The following GPAM variants were observed in gnomAD, a reference collection of about 807,000 sequenced individuals.
GPAM encodes glycerol-3-phosphate acyltransferase 1, mitochondrial.
GPAM carries 56 observed loss-of-function variants against 105.0 expected under a neutral mutation model. The observed-to-expected ratio is 0.53, with a 90% CI of 0.43 to 0.67. GPAM has a LOEUF of 0.67. GPAM is among the 30% of genes least tolerant of loss of function. The pLI is 0.00. For synonymous variants in GPAM, 368 were observed against 354.4 expected, an observed-to-expected ratio of 1.04 and a Z score of -0.43; for missense variants, 855 against 989.8, an observed-to-expected ratio of 0.86 and a Z score of 1.83.
In GPAM at chr10:112,150,957, G is replaced by A. The variant is rs573612013; in HGVS notation, c.*2593C>T. On this transcript the variant is annotated 3_prime_UTR_variant, in exon 22 of 22. Coordinates refer to ENST00000348367, the MANE Select transcript of GPAM (RefSeq NM_001244949.2). The stretch of plus-strand genomic sequence containing the variant: ...TTAACAGATTCCAGAAGGAAGACTC[G>A]AAGCCATCTCAGTTAACAGTTCTAC... The A allele has an allele frequency of 5.3e-5, 52 of 984,494 alleles. 1 individual carries two copies. In the Admixed American group the frequency reaches 5.5e-4, roughly 10 times the overall value. The allele number at this position is 984,494 out of a possible 1,614,324, so 61.0% of individuals were successfully genotyped here.
chr10:112,171,387 G>C (rs1032404949), intron 9 of GPAM, among the ~76,000 whole-genome samples: 2 of 152,186 alleles, frequency 1.3e-5, no homozygotes, highest in Non-Finnish European at 2.9e-5. Flanking sequence ...TCTTCTGCCT[G>C]AACTATCCTA....
intron 1 of GPAM, among the ~76,000 whole-genome samples, chr10:112,202,323 A>G (rs1390676013): frequency 1.3e-5 from 2 of 152,252 alleles, no homozygotes; most frequent in Non-Finnish European, 2.9e-5. Context: ...AGCCATAGTT[A>G]CCAATCTCTC....
At chr10:112,180,347 A>G in intron 4 of GPAM, 126 bp downstream of exon 4, 1 of 853,062 alleles carries the variant, frequency 1.2e-6, no homozygotes, top group Non-Finnish European at 1.9e-6. Flanking sequence ...TTTACTTGAA[A>G]TATTTGGTTC....
Position 112,173,792 on chromosome 10 carries a change from G to A in GPAM, c.467C>T (p.Ala156Val). The A allele has an allele frequency of 1.2e-6, 2 of 1,612,940 alleles. No homozygotes were observed. The highest frequency in any genetic ancestry group is 1.7e-6 in the Non-Finnish European group (2 of 1,178,990). ...VAAELNPDGS[A>V]QQQSKAVNKV... ...GTTAACGGCTTTTGATTGCTGCTGG[G>A]CAGAACCATCAGGGTTTAATTCAGC... The change falls in exon 7 of 22, where the codon GCC becomes GTC. Residue 156 changes from alanine to valine, a missense_variant. Transcript: ENST00000348367.
At chr10:112,197,950 A>G (rs1362951112) in intron 1 of GPAM, among the ~76,000 whole-genome samples, 1 of 152,162 alleles carries the variant, frequency 6.6e-6, no homozygotes, top group African/African-American at 2.4e-5. Flanking sequence ...ACACATGTCA[A>G]AATCATAATT....
chr10:112,208,257 G>A (rs1220478887), intron 1 of GPAM, among the ~76,000 whole-genome samples: 1 of 152,196 alleles, frequency 6.6e-6, no homozygotes, highest in African/African-American at 2.4e-5. Context: ...CTAAGTGGAA[G>A]CTGGTGACCT....
intron 7 of GPAM, 60 bp downstream of exon 7, chr10:112,173,639 T>C (rs1299250499): frequency 2.0e-6 from 3 of 1,497,574 alleles, no homozygotes; most frequent in South Asian, 2.3e-5. Flanking sequence ...AATAATTCAG[T>C]CTTATTTGCT....
intron 1 of GPAM, among the ~76,000 whole-genome samples, chr10:112,212,559 G>A (rs779831239): frequency 5.9e-5 from 9 of 152,126 alleles, no homozygotes; most frequent in African/African-American, 9.7e-5. Context: ...CACCGTGCCC[G>A]GCCTCGCTGT....
chr10:112,161,970 A>G (rs1318860891), intron 14 of GPAM, among the ~76,000 whole-genome samples: 1 of 152,202 alleles, frequency 6.6e-6, no homozygotes, highest in African/African-American at 2.4e-5. Flanking sequence ...GACAGGTCCA[A>G]CTTCAATCCA....
In GPAM at chr10:112,152,416, G is replaced by A; in HGVS notation, c.*1134C>T. On this transcript the variant is annotated 3_prime_UTR_variant, in exon 22 of 22. Transcript: ENST00000348367. ...CCCATAAAAATTTGTTAAAAGTCAT[G>A]GTTTTTCCTCAAAGCTAAAAATCCA... is the stretch of plus-strand genomic sequence containing the variant. 2.0e-6 allele frequency: 2 copies of A among 985,286 alleles called. No homozygotes were observed. The highest frequency in any genetic ancestry group is 2.4e-6 in the Non-Finnish European group (2 of 829,870). The allele number at this position is 985,286 out of a possible 1,614,324, so 61.0% of individuals were successfully genotyped here. A position where few individuals can be genotyped will look rare whatever the true frequency, so the allele number is the denominator to read the frequency against.
chr10:112,203,938 AG>A (rs1847830198), intron 1 of GPAM, among the ~76,000 whole-genome samples: 2 of 152,134 alleles, frequency 1.3e-5, no homozygotes, highest in Admixed American at 1.3e-4. Context: ...CACTGAGAGG[AG>A]GGTACAGCTT....
In GPAM at chr10:112,151,974, G is replaced by A; in HGVS notation, c.*1576C>T. On this transcript the variant is annotated 3_prime_UTR_variant, in exon 22 of 22. Coordinates refer to ENST00000348367, the MANE Select transcript of GPAM (RefSeq NM_001244949.2). ...ATATTTTAAATGCAGAACTTGAGAG[G>A]GATCACAACAGCATAGCATTATTGC... The A allele has an allele frequency of 1.0e-6, 1 of 980,556 alleles. No individual in the cohort carries two copies. Among genetic ancestry groups the A allele is most frequent in the African/African-American group, 1.8e-5 (1 of 57,134 alleles). The allele number at this position is 980,556 out of a possible 1,614,324, so 60.7% of individuals were successfully genotyped here.
In GPAM at chr10:112,173,058, CCAGT is replaced by C. The variant is rs745794493; in HGVS notation, c.565_568del (p.Thr189GlyfsTer5). The C allele has an allele frequency of 1.3e-6, 2 of 1,588,636 alleles. No homozygotes were observed. Among genetic ancestry groups the C allele is most frequent in the Non-Finnish European group, 8.6e-7 (1 of 1,156,884 alleles). ...GTTGAACAGTTTTAGCAGCACCCAC[CCAGT>C]CAGTCTGAAACAAAGTACAAACAAA... On this transcript the variant is annotated frameshift_variant, in exon 8 of 22. Coordinates refer to ENST00000348367, the MANE Select transcript of GPAM (RefSeq NM_001244949.2). LOFTEE classifies it high-confidence loss of function.
intron 5 of GPAM, 25 bp downstream of exon 5, chr10:112,177,959 A>G: frequency 7.6e-7 from 1 of 1,322,364 alleles, no homozygotes; most frequent in African/African-American, 1.4e-5. Flanking sequence ...GAGATGTATT[A>G]AAAACATAAG....
chr10:112,226,829 G>A, the GPAM span, among the ~76,000 whole-genome samples: 1,213 of 152,262 alleles, frequency 8.0e-3, 13 homozygotes, highest in Non-Finnish European at 0.014. Context: ...CAGAGGCCAC[G>A]AGGGGTTTTA....
intron 18 of GPAM, 143 bp downstream of exon 18, chr10:112,158,173 C>A: frequency 1.4e-6 from 1 of 727,168 alleles, no homozygotes; most frequent in East Asian, 2.5e-5. Context: ...TCAGGTGATC[C>A]ACCCGCCTTC....
rs1334821293 is a variant in GPAM at position 112,168,406 on chromosome 10, G to T, written c.1013C>A (p.Thr338Asn). The change falls in exon 11 of 22, where the codon ACT becomes AAT. Residue 338 changes from threonine (T) to asparagine (N), a missense_variant. Physicochemically the swap from Thr to Asn is moderately conservative, Grantham distance 65 (BLOSUM62 0). Transcript: ENST00000348367. ...RAGLLSVVVD[T>N]LSTNVIPDIL... ...GTCTGGGATGACATTGGTAGACAGA[G>T]TATCTACCACAACTGACAAAAGTCC... The T allele has an allele frequency of 6.3e-7, 1 of 1,596,738 alleles. No individual in the cohort carries two copies. The highest frequency in any genetic ancestry group is 8.6e-7 in the Non-Finnish European group (1 of 1,164,110).
At chr10:112,197,818 C>T (rs919344181) in intron 1 of GPAM, among the ~76,000 whole-genome samples, 34 of 151,946 alleles carry the variant, frequency 2.2e-4, no homozygotes, top group Non-Finnish European at 4.4e-4. Context: ...GACATGAACT[C>T]ATCCTTTTTT....
At chr10:112,173,182 A>C (rs1847342886) in intron 7 of GPAM, 116 bp from the exon 8 acceptor site, 4 of 720,600 alleles carry the variant, frequency 5.6e-6, no homozygotes, top group Non-Finnish European at 1.0e-5. Context: ...ACCTCAAAGT[A>C]CTTGTAAATG....
Sources: allele counts gnomAD v4.1 joint callset (sites outside exome capture counted in the v4.1 genomes callset), GRCh38; gene constraint gnomAD v4.1.1; transcripts MANE v1.5; gene names NCBI Gene and HGNC (gene_info 2026-07-23, HGNC 2026-07-21).